Variants in VDAC1 observed in about 807,000 individuals in gnomAD.
The protein encoded by VDAC1 is non-selective voltage-gated ion channel VDAC1.
Under a neutral mutation model 34.7 loss-of-function variants are expected in VDAC1, and 10 were observed. The observed-to-expected ratio is 0.29, with a 90% CI of 0.18 to 0.49. The LOEUF is 0.49. VDAC1 is among the 20% of genes least tolerant of loss of function. The pLI, the probability that VDAC1 is intolerant of heterozygous loss-of-function variation, is 0.99. For missense variants in VDAC1, 230 were observed against 347.9 expected (o/e 0.66, Z 2.69); for synonymous variants, 130 against 136.0 (o/e 0.96, Z 0.30).
chr5:134,105,481 GGATGA>G, the VDAC1 span, among the ~76,000 whole-genome samples: 2 of 152,230 alleles, frequency 1.3e-5, no homozygotes, highest in African/African-American at 4.8e-5. Context: ...GCTGCTGTGA[GGATGA>G]GATGAGATAA....
At chr5:134,114,170 C>T in the VDAC1 span, among the ~76,000 whole-genome samples, 1 of 152,122 alleles carries the variant, frequency 6.6e-6, no homozygotes, top group African/African-American at 2.4e-5. Context: ...GAAGGAAGTC[C>T]CTGATTGGCA....
the VDAC1 span, among the ~76,000 whole-genome samples, chr5:134,108,660 C>G: frequency 6.6e-6 from 1 of 152,070 alleles, no homozygotes; most frequent in African/African-American, 2.4e-5. Context: ...AGAGGGCAGA[C>G]AGGGAGAGCC....
At chr5:134,058,975 G>A in the VDAC1 span, among the ~76,000 whole-genome samples, 5 of 152,202 alleles carry the variant, frequency 3.3e-5, no homozygotes, top group Non-Finnish European at 5.9e-5. Flanking sequence ...TCATGCCCGC[G>A]TGCCAATGCA....
the VDAC1 span, among the ~76,000 whole-genome samples, chr5:134,101,617 C>T: frequency 6.6e-6 from 1 of 151,906 alleles, no homozygotes; most frequent in African/African-American, 2.4e-5. Context: ...GGCGTCGGCA[C>T]AGGAGGTAAT....
At chr5:134,105,004 C>A in the VDAC1 span, among the ~76,000 whole-genome samples, 1 of 152,324 alleles carries the variant, frequency 6.6e-6, no homozygotes, top group South Asian at 2.1e-4. Context: ...CTCTGACGCC[C>A]CCGCCTTGGG....
chr5:134,076,061 C>T, the VDAC1 span, among the ~76,000 whole-genome samples: 3 of 152,116 alleles, frequency 2.0e-5, no homozygotes, highest in East Asian at 5.8e-4. Context: ...CTAACTGCAA[C>T]CTCTGCCTCC....
At chr5:134,021,571 A>G in the VDAC1 span, among the ~76,000 whole-genome samples, 2 of 151,228 alleles carry the variant, frequency 1.3e-5, no homozygotes, top group Non-Finnish European at 2.9e-5. Context: ...AAAAAAAAAA[A>G]GAAAAAAGAA....
the VDAC1 span, among the ~76,000 whole-genome samples, chr5:134,076,844 T>C: frequency 3.9e-5 from 6 of 152,132 alleles, no homozygotes; most frequent in Admixed American, 3.3e-4. Context: ...ATTTTAAACA[T>C]GTACAGTTTG....
At chr5:133,986,294 A>AC (rs142504852) in intron 5 of VDAC1, among the ~76,000 whole-genome samples, 1,621 of 152,264 alleles carry the variant, frequency 0.011, 28 homozygotes, top group African/African-American at 0.037. Context: ...CTGTACCCTC[A>AC]GTCACTTTGG....
the VDAC1 span, among the ~76,000 whole-genome samples, chr5:134,064,331 A>T: frequency 6.6e-6 from 1 of 150,584 alleles, no homozygotes; most frequent in South Asian, 2.1e-4. Context: ...AGAGAGAGAG[A>T]GTCTTATTCT....
intron 7 of VDAC1, among the ~76,000 whole-genome samples, chr5:133,974,520 C>T (rs941443920): frequency 1.6e-4 from 25 of 152,336 alleles, no homozygotes; most frequent in African/African-American, 6.0e-4. Context: ...TAACAGTCCG[C>T]ATGATAGAAC....
At chr5:134,059,348 T>C in the VDAC1 span, among the ~76,000 whole-genome samples, 1 of 152,188 alleles carries the variant, frequency 6.6e-6, no homozygotes, top group Non-Finnish European at 1.5e-5. Flanking sequence ...AGGGCTTCCT[T>C]GGCTCTAGAC....
intron 6 of VDAC1, among the ~76,000 whole-genome samples, chr5:133,978,168 C>CT (rs34284060): frequency 0.18 from 27,096 of 146,992 alleles, 2,757 homozygotes; most frequent in East Asian, 0.32. Context: ...TCTAAATTTT[C>CT]TTTTTTTTTT....
the VDAC1 span, among the ~76,000 whole-genome samples, chr5:134,056,596 C>T: frequency 6.6e-6 from 1 of 152,184 alleles, no homozygotes; most frequent in Admixed American, 6.5e-5. Context: ...TGAGCCACTG[C>T]ACCAGCCCCA....
At chr5:134,098,952 A>C in the VDAC1 span, among the ~76,000 whole-genome samples, 1 of 152,240 alleles carries the variant, frequency 6.6e-6, no homozygotes, top group South Asian at 2.1e-4. Flanking sequence ...GCAGTGGGCA[A>C]GCCAGGCTGG....
At position 133,992,066 on chromosome 5, in the gene VDAC1, G is replaced by A. The variant is rs184707069; in HGVS notation, c.117+240C>T. On this transcript the variant is annotated intron_variant, in intron 3 of 8. Coordinates refer to ENST00000265333, the MANE Select transcript of VDAC1 (RefSeq NM_003374.3). The stretch of plus-strand genomic sequence containing the variant: ...AGCCTGACCAACATGGAAAAACCCC[G>A]TCTCTATTAAAAATACAAAATTAGC... Among the ~76,000 whole-genome samples, 7 of 152,138 alleles carry A rather than the reference G, an allele frequency of 4.6e-5. 1 individual carries two copies. Among genetic ancestry groups the A allele is most frequent in the Admixed American group, 2.6e-4 (4 of 15,262 alleles).
At chr5:133,975,558 T>C (rs760753177) in intron 7 of VDAC1, among the ~76,000 whole-genome samples, 255 of 151,728 alleles carry the variant, frequency 1.7e-3, no homozygotes, top group East Asian at 2.1e-3. Flanking sequence ...CCTCCCCGGT[T>C]CAAGCAATTC....
At chr5:134,106,737 G>A in the VDAC1 span, among the ~76,000 whole-genome samples, 1 of 152,184 alleles carries the variant, frequency 6.6e-6, no homozygotes, top group Non-Finnish European at 1.5e-5. Context: ...ATACCAAAGA[G>A]GGTAAGTGAC....
chr5:134,103,012 C>G, the VDAC1 span, among the ~76,000 whole-genome samples: 1 of 152,168 alleles, frequency 6.6e-6, no homozygotes, highest in Non-Finnish European at 1.5e-5. Flanking sequence ...CTGCCCCTCC[C>G]GCAGGAGCCC....
Sources: gnomAD v4.1 joint callset for allele counts (sites outside exome capture counted in the v4.1 genomes callset) on GRCh38, gnomAD v4.1.1 for gene constraint, MANE v1.5 for transcripts, NCBI Gene and HGNC (gene_info 2026-07-23, HGNC 2026-07-21) for gene names.